The following ZNF273 variants were observed in gnomAD, a reference collection of about 807,000 sequenced individuals.
The protein encoded by ZNF273 is zinc finger protein 9.
In ZNF273, 11 loss-of-function variants were observed where a neutral mutation model predicts 14.9. That is an observed-to-expected ratio of 0.74 (90% CI 0.46 to 1.22). The LOEUF (loss-of-function observed/expected upper bound fraction) is 1.22. ZNF273 is among the 50% of genes most tolerant of loss of function. The pLI, the probability that ZNF273 is intolerant of heterozygous loss-of-function variation, is 0.00. For synonymous variants in ZNF273, 199 were observed against 223.9 expected (o/e 0.89, Z 0.99); for missense variants, 577 against 660.6 (o/e 0.87, Z 1.39).
At chr7:64,925,816 T>A (rs1005508725) in intron 3 of ZNF273, among the ~76,000 whole-genome samples, 1 of 152,194 alleles carries the variant, frequency 6.6e-6, no homozygotes, top group African/African-American at 2.4e-5. Flanking sequence ...ATGTTGTATG[T>A]CTATTAACAG....
intron 1 of ZNF273, among the ~76,000 whole-genome samples, chr7:64,911,951 ACTT>A (rs1286542664): frequency 2.0e-5 from 3 of 152,168 alleles, no homozygotes; most frequent in Non-Finnish European, 4.4e-5. Flanking sequence ...GTTTCAAAAA[ACTT>A]CTTGATTCCT....
upstream of ZNF273, among the ~76,000 whole-genome samples, chr7:64,899,687 T>C (rs914938045): frequency 1.3e-5 from 2 of 150,568 alleles, no homozygotes; most frequent in African/African-American, 4.9e-5. Context: ...TCTATTAAGT[T>C]GTTTAAAGTT....
intron 1 of ZNF273, among the ~76,000 whole-genome samples, chr7:64,885,301 A>T (rs989654455): frequency 6.6e-6 from 1 of 152,204 alleles, no homozygotes; most frequent in African/African-American, 2.4e-5. Flanking sequence ...CTGTGACCTT[A>T]AACAAGTCAC....
chr7:64,934,390 A>T (rs1054908388), downstream of ZNF273, among the ~76,000 whole-genome samples: 1 of 152,182 alleles, frequency 6.6e-6, no homozygotes, highest in Non-Finnish European at 1.5e-5. Flanking sequence ...CAAAAGAATT[A>T]CTGCCTAGAC....
At chr7:64,903,737 A>G (rs1427765171) in intron 1 of ZNF273, among the ~76,000 whole-genome samples, 1 of 152,164 alleles carries the variant, frequency 6.6e-6, no homozygotes, top group East Asian at 1.9e-4. Context: ...GACTAGGAAG[A>G]GCTTTGGTCC....
chr7:64,921,571 A>G (rs1277732867), intron 3 of ZNF273, among the ~76,000 whole-genome samples: 9 of 139,860 alleles, frequency 6.4e-5, no homozygotes, highest in African/African-American at 2.4e-4. Flanking sequence ...CTATTTTACC[A>G]TTATATAATA....
chr7:64,934,885 T>C (rs189171712), downstream of ZNF273, among the ~76,000 whole-genome samples: 208 of 152,330 alleles, frequency 1.4e-3, no homozygotes, highest in African/African-American at 4.8e-3. Context: ...TGCAGATTAT[T>C]TTCTGTAATA....
intron 1 of ZNF273, chr7:64,917,091 T>C: frequency 7.8e-7 from 1 of 1,286,362 alleles, no homozygotes; most frequent in South Asian, 1.2e-5. Context: ...AAAATATTCT[T>C]CTTGGGCCAA....
downstream of ZNF273, chr7:64,888,897 G>A (rs1791780360): frequency 1.0e-6 from 1 of 984,042 alleles, no homozygotes. Context: ...GGCCCTGAGT[G>A]CCAGAGTCCA....
downstream of ZNF273, among the ~76,000 whole-genome samples, chr7:64,934,215 A>G (rs1795043598): frequency 1.4e-5 from 2 of 148,136 alleles, no homozygotes; most frequent in Non-Finnish European, 3.0e-5. Context: ...ATTTTTTTTT[A>G]TATTAAAGTC....
chr7:64,892,784 C>T (rs1005519651), downstream of ZNF273, among the ~76,000 whole-genome samples: 2 of 152,104 alleles, frequency 1.3e-5, no homozygotes, highest in African/African-American at 4.8e-5. Flanking sequence ...TTGCATGGAG[C>T]ATGAAAAATT....
chr7:64,888,705 T>C, exon 2 of ZNF273: 1 of 985,706 alleles, frequency 1.0e-6, no homozygotes, highest in Non-Finnish European at 1.2e-6. Context: ...GTCCGGCTCC[T>C]GGAGGACAGC....
In ZNF273 at chr7:64,888,289, C is replaced by T. The variant is rs1345028371; in HGVS notation, n.274-284C>T. 4.1e-6 allele frequency: 4 copies of T among 985,260 alleles called. No homozygotes were observed. The South Asian group carries it at 1.4e-4, about 35-fold the overall frequency. 61.0% of individuals were successfully genotyped at this position (985,260 alleles called of 1,614,324 possible). A position where few individuals can be genotyped will look rare whatever the true frequency, so the allele number is the denominator to read the frequency against. Reference sequence around the variant, plus strand: ...GTCCCTGTCTCTATGGGGGTCCTTCCTCCTGTGAGCTCCGTGGCCTCGCAC... The same window carrying T: ...GTCCCTGTCTCTATGGGGGTCCTTCTTCCTGTGAGCTCCGTGGCCTCGCAC... On this transcript the variant is annotated intron_variant and non_coding_transcript_variant, in intron 1 of 1. Transcript: ENST00000471926.
chr7:64,886,877 T>C (rs1034889401), intron 1 of ZNF273, among the ~76,000 whole-genome samples: 30 of 152,198 alleles, frequency 2.0e-4, no homozygotes, highest in African/African-American at 6.8e-4. Context: ...AAAACATACA[T>C]CATCACCAAT....
At chr7:64,912,543 G>A (rs1793596314) in intron 1 of ZNF273, among the ~76,000 whole-genome samples, 1 of 151,954 alleles carries the variant, frequency 6.6e-6, no homozygotes, top group Admixed American at 6.6e-5. Flanking sequence ...TGTGCCCAAG[G>A]CTACTCCTTA....
intron 1 of ZNF273, chr7:64,917,040 C>G: frequency 7.8e-7 from 1 of 1,280,950 alleles, no homozygotes; most frequent in Non-Finnish European, 1.0e-6. Flanking sequence ...GCCAGAAAAA[C>G]TGGGAAAATC....
rs1793655780 is a variant in ZNF273, at chr7:64,912,836, T to TTTTTTGTTTTG, written c.103-4740_103-4739insGTTTTGTTTTT. ...TCAGGATTCATTTTAGTTTTTTTTT[T>TTTTTTGTTTTG]TTTTTTTTTTGAGATTGAGTTTCGC... On this transcript the variant is annotated intron_variant, in intron 1 of 3. Coordinates refer to ENST00000476120, the MANE Select transcript of ZNF273 (RefSeq NM_021148.3). Among the ~76,000 whole-genome samples, 4 of 64,466 alleles carry TTTTTTGTTTTG rather than the reference T, an allele frequency of 6.2e-5. 1 individual carries two copies. The highest frequency in any genetic ancestry group is 1.1e-4 in the Non-Finnish European group (3 of 28,078). The allele number at this position is 64,466 out of a possible 152,430, so 42.3% of individuals were successfully genotyped here. A position where few individuals can be genotyped will look rare whatever the true frequency, so the allele number is the denominator to read the frequency against.
At chr7:64,888,713 A>G (rs1791763292) in exon 2 of ZNF273, 10 of 985,664 alleles carry the variant, frequency 1.0e-5, no homozygotes, top group Non-Finnish European at 1.2e-5. Flanking sequence ...CCTGGAGGAC[A>G]GCGGGATGGG....
In ZNF273 at chr7:64,903,327, G is replaced by T. The variant is rs2129055665; in HGVS notation, c.10G>T (p.Ala4Ser). 2.5e-6 allele frequency: 4 copies of T among 1,612,492 alleles called. No homozygotes were observed. The highest frequency in any genetic ancestry group is 2.5e-6 in the Non-Finnish European group (3 of 1,178,864). Residue 4 changes from alanine (A) to serine (S), a missense_variant, in exon 1 of 4, where the codon GCT becomes TCT. By Grantham distance (99) the Ala-to-Ser change is moderately conservative. Around this residue, in one of 3 missense-constraint regions of ZNF273, gnomAD observed 162 missense variants for 203.5 expected, o/e 0.80. Transcript: ENST00000476120. ...TCGTCTTCACTGCTCTATGTCCTCT[G>T]CTCCTAGAGGTCCACCTTCTGTGGC... MSSAPRGPPSVAPL... is the reference protein window; with the variant it reads MSSSPRGPPSVAPL...
Sources: allele counts gnomAD v4.1 joint callset (sites outside exome capture counted in the v4.1 genomes callset), GRCh38; gene constraint gnomAD v4.1.1; regional missense constraint gnomAD v4.1.1; transcripts MANE v1.5; gene names NCBI Gene and HGNC (gene_info 2026-07-23, HGNC 2026-07-21).